Variants in LTBP2 observed in about 807,000 individuals in gnomAD.
LTBP2 encodes latent-transforming growth factor beta-binding protein 2.
LTBP2 carries 103 observed loss-of-function variants against 210.6 expected under a neutral mutation model. The observed-to-expected ratio is 0.49, with a 90% CI of 0.42 to 0.58. The LOEUF (loss-of-function observed/expected upper bound fraction) is 0.58. Ranked by LOEUF, LTBP2 falls within the 20% of genes least tolerant of loss-of-function variation. The pLI is 0.00. For synonymous variants in LTBP2, 1,007 were observed against 1,015.0 expected (o/e 0.99, Z 0.15); for missense variants, 2,313 against 2,494.5 (o/e 0.93, Z 1.55).
chr14:74,517,160 T>C lies in LTBP2; in HGVS notation c.2789-219A>G, dbSNP rs144083714. Among the ~76,000 whole-genome samples, 366 of 152,212 alleles carry C rather than the reference T, an allele frequency of 2.4e-3. 2 individuals carry two copies. Among genetic ancestry groups the C allele is most frequent in the African/African-American group, 8.4e-3 (347 of 41,522 alleles). The stretch of plus-strand genomic sequence containing the variant: ...GGCCCCTGATAAACCTGAGTTCCTT[T>C]CTCTCAGGGGAGTCTACTCTGGGGA... On this transcript the variant is annotated intron_variant, in intron 17 of 35. Coordinates refer to ENST00000261978, the MANE Select transcript of LTBP2 (RefSeq NM_000428.3).
intron 8 of LTBP2, among the ~76,000 whole-genome samples, chr14:74,541,102 G>C (rs1180990918): frequency 6.6e-6 from 1 of 150,930 alleles, no homozygotes; most frequent in Non-Finnish European, 1.5e-5. Flanking sequence ...CCCACACCAG[G>C]TGTCCCTCTT....
intron 17 of LTBP2, among the ~76,000 whole-genome samples, 162 bp from the exon 18 acceptor site, chr14:74,517,103 C>T (rs1238990149): frequency 6.6e-6 from 1 of 152,190 alleles, no homozygotes; most frequent in East Asian, 1.9e-4. Context: ...CCTGGAGGGG[C>T]TCCTGGGCCA....
chr14:74,551,849 A>C (rs577183885), intron 6 of LTBP2, among the ~76,000 whole-genome samples: 44 of 152,198 alleles, frequency 2.9e-4, no homozygotes, highest in African/African-American at 1.0e-3. Context: ...GGGAAAATGA[A>C]ATGTTTTATG....
At chr14:74,550,592 T>C (rs2087638996) in intron 7 of LTBP2, among the ~76,000 whole-genome samples, 1 of 152,222 alleles carries the variant, frequency 6.6e-6, no homozygotes, top group Admixed American at 6.5e-5. Flanking sequence ...CTGAGGATGG[T>C]TCCAGAGGGC....
rs1595286098 is a variant in LTBP2, at chr14:74,573,977, C to T, written c.830+11877G>A. 2.0e-5 allele frequency among the ~76,000 whole-genome samples: 3 copies of T among 152,274 alleles called. No homozygotes were observed. The South Asian group carries it at 6.2e-4, about 32-fold the overall frequency. On this transcript the variant is annotated intron_variant, in intron 3 of 35. Transcript: ENST00000261978. ...AAGTGGAACCGGGATCTGTCTGACT[C>T]GTGGCCCATGCTCTTAGCCACTGTG...
intron 3 of LTBP2, among the ~76,000 whole-genome samples, chr14:74,564,063 A>ATATATATATATT (rs1288914773): frequency 3.3e-4 from 8 of 24,572 alleles, no homozygotes; most frequent in South Asian, 1.1e-3. Flanking sequence ...ATATATATTT[A>ATATATATATATT]TATATATATA....
chr14:74,540,847 A>ATT (rs370342023), intron 8 of LTBP2, among the ~76,000 whole-genome samples: 5 of 16,966 alleles, frequency 2.9e-4, no homozygotes. Flanking sequence ...ATTTATATAT[A>ATT]TTATATATAT....
At chr14:74,542,716 CCA>C (rs1355646654) in intron 8 of LTBP2, among the ~76,000 whole-genome samples, 1 of 152,118 alleles carries the variant, frequency 6.6e-6, no homozygotes, top group East Asian at 1.9e-4. Context: ...ATCCCAGGCT[CCA>C]CTCTGACTAC....
chr14:74,610,789 C>T (rs564300782), intron 1 of LTBP2, among the ~76,000 whole-genome samples: 102 of 152,334 alleles, frequency 6.7e-4, no homozygotes, highest in African/African-American at 2.1e-3. Context: ...CACGCTTACA[C>T]CTAGATGCAC....
At chr14:74,564,179 ATATATATTTATATATATATT>A in intron 3 of LTBP2, among the ~76,000 whole-genome samples, 2 of 49,146 alleles carry the variant, frequency 4.1e-5, no homozygotes, top group Non-Finnish European at 6.9e-5. Context: ...ATATATTTAT[ATATATATTTATATATATATT>A]TATATATATT....
In LTBP2 at chr14:74,509,837, C is replaced by T; in HGVS notation, c.3174G>A (p.Arg1058=). 1 of 1,614,030 alleles carries T rather than the reference C, an allele frequency of 6.2e-7. No individual in the cohort carries two copies. The highest frequency in any genetic ancestry group is 1.1e-5 in the South Asian group (1 of 91,090). The change falls in exon 21 of 36, where the codon CGG becomes CGA. Residue 1058 remains arginine, a synonymous_variant. Transcript: ENST00000261978. ...GGCAGAGGCCTGTGGGGCATGAGGCCCGGCTGGCACACTCATCCACATCTG... is the reference window on the plus strand; with the variant it reads ...GGCAGAGGCCTGTGGGGCATGAGGCTCGGCTGGCACACTCATCCACATCTG... ...GCQDVDECAS[R]ASCPTGLCLN...
chr14:74,593,717 A>G (rs1244812585), intron 2 of LTBP2, among the ~76,000 whole-genome samples: 1 of 152,200 alleles, frequency 6.6e-6, no homozygotes, highest in African/African-American at 2.4e-5. Flanking sequence ...CACACTGGAC[A>G]GCAAGATATA....
intron 9 of LTBP2, among the ~76,000 whole-genome samples, chr14:74,534,313 C>A (rs935790751): frequency 1.3e-5 from 2 of 152,170 alleles, no homozygotes; most frequent in Non-Finnish European, 2.9e-5. Context: ...ACAGGTGGCT[C>A]TGATGAGACA....
At chr14:74,568,829 G>A (rs2087936548) in intron 3 of LTBP2, among the ~76,000 whole-genome samples, 2 of 152,056 alleles carry the variant, frequency 1.3e-5, no homozygotes, top group Admixed American at 1.3e-4. Context: ...ACTATACTTC[G>A]GGACCTAGTA....
intron 3 of LTBP2, among the ~76,000 whole-genome samples, chr14:74,563,318 C>G (rs141865515): frequency 1.6e-4 from 24 of 152,242 alleles, no homozygotes; most frequent in African/African-American, 5.8e-4. Context: ...CTAAGACACT[C>G]GTAAATGTCC....
intron 8 of LTBP2, among the ~76,000 whole-genome samples, chr14:74,549,173 C>G (rs1034339512): frequency 2.6e-5 from 4 of 152,190 alleles, no homozygotes; most frequent in African/African-American, 9.7e-5. Context: ...TGGGCAGAAG[C>G]CACACTCACG....
At chr14:74,518,093 C>A (rs1455520732) in intron 17 of LTBP2, among the ~76,000 whole-genome samples, 1 of 152,218 alleles carries the variant, frequency 6.6e-6, no homozygotes, top group Admixed American at 6.5e-5. Context: ...TAATGCATCA[C>A]CTTTGGGTCC....
intron 2 of LTBP2, among the ~76,000 whole-genome samples, chr14:74,592,454 A>G (rs1019986558): frequency 3.3e-5 from 5 of 152,170 alleles, no homozygotes; most frequent in Admixed American, 2.6e-4. Context: ...GGATTGCCTT[A>G]GTCCAAGGGT....
chr14:74,502,853 T>A lies in LTBP2; in HGVS notation c.4970A>T (p.Tyr1657Phe). The A allele has an allele frequency of 6.2e-7, 1 of 1,614,036 alleles. No individual in the cohort carries two copies. The highest frequency in any genetic ancestry group is 8.5e-7 in the Non-Finnish European group (1 of 1,180,018). Residue 1657 changes from tyrosine to phenylalanine, a missense_variant, in exon 34 of 36, where the codon TAT becomes TTT. Around this residue, in one of 3 missense-constraint regions of LTBP2, gnomAD observed 443 missense variants for 501.4 expected, o/e 0.88. Transcript: ENST00000261978. Reference sequence around the variant, plus strand: ...GTGCAGGTCATCGGGCCCGGGGCCATACTCATAGCCTGGCCGGAAGTGGAC... The same window carrying A: ...GTGCAGGTCATCGGGCCCGGGGCCAAACTCATAGCCTGGCCGGAAGTGGAC... ...AGVHFRPGYE[Y>F]GPGPDDLHYS...
Sources: allele counts gnomAD v4.1 joint callset (sites outside exome capture counted in the v4.1 genomes callset), GRCh38; gene constraint gnomAD v4.1.1; regional missense constraint gnomAD v4.1.1; transcripts MANE v1.5; gene names NCBI Gene and HGNC (gene_info 2026-07-23, HGNC 2026-07-21).